Variants in SOX6 observed in about 807,000 individuals in gnomAD.
SOX6 encodes the protein transcription factor SOX-6.
SOX6 carries 11 observed loss-of-function variants against 97.8 expected under a neutral mutation model. That is an observed-to-expected ratio of 0.11 (90% CI 0.07 to 0.19). The LOEUF is 0.19. Ranked by LOEUF, SOX6 falls within the 10% of genes least tolerant of loss-of-function variation. SOX6 has a pLI of 1.00. For synonymous variants in SOX6, 360 were observed against 371.4 expected (o/e 0.97, Z 0.35); for missense variants, 810 against 1,039.5 (o/e 0.78, Z 3.04).
intron 3 of SOX6, among the ~76,000 whole-genome samples, chr11:16,275,158 G>C (rs1034997337): frequency 6.6e-6 from 1 of 151,684 alleles, no homozygotes; most frequent in African/African-American, 2.4e-5. Context: ...AGGATTCTTC[G>C]CAATTATTTC....
intron 1 of SOX6, among the ~76,000 whole-genome samples, chr11:16,442,778 A>G (rs2133087323): frequency 6.6e-6 from 1 of 152,318 alleles, no homozygotes; most frequent in African/African-American, 2.4e-5. Flanking sequence ...CAACTTCATC[A>G]TTTTAACAGT....
chr11:16,417,546 T>C (rs899502070), intron 1 of SOX6, among the ~76,000 whole-genome samples: 2 of 151,972 alleles, frequency 1.3e-5, no homozygotes, highest in African/African-American at 2.4e-5. Context: ...AGAGATGCAA[T>C]AGGATAAGAA....
intron 6 of SOX6, among the ~76,000 whole-genome samples, chr11:16,130,197 A>T (rs1329013073): frequency 1.3e-5 from 2 of 151,992 alleles, no homozygotes; most frequent in African/African-American, 4.8e-5. Flanking sequence ...ACATTAGCAT[A>T]AAAATAAAAT....
At chr11:16,699,813 A>G (rs985417191) in intron 3 of SOX6, among the ~76,000 whole-genome samples, 1 of 152,196 alleles carries the variant, frequency 6.6e-6, no homozygotes, top group Admixed American at 6.6e-5. Flanking sequence ...CTCTTGTATT[A>G]CTTATTCATG....
At chr11:16,734,176 C>A (rs879300913) in intron 2 of SOX6, among the ~76,000 whole-genome samples, 1 of 152,192 alleles carries the variant, frequency 6.6e-6, no homozygotes, top group Middle Eastern at 3.4e-3. Flanking sequence ...TATAGTGCCA[C>A]ATTTTAAATC....
At chr11:16,474,082 C>T (rs1375919848) in intron 1 of SOX6, among the ~76,000 whole-genome samples, 1 of 152,194 alleles carries the variant, frequency 6.6e-6, no homozygotes, top group Non-Finnish European at 1.5e-5. Flanking sequence ...AGCAATTCCT[C>T]ATCTTCTCAA....
At chr11:16,164,224 T>C (rs1294996844) in intron 6 of SOX6, among the ~76,000 whole-genome samples, 1 of 152,066 alleles carries the variant, frequency 6.6e-6, no homozygotes, top group African/African-American at 2.4e-5. Context: ...CTGCCTTCAC[T>C]TTCCACAGTG....
chr11:16,162,270 G>C (rs182579390), intron 6 of SOX6, among the ~76,000 whole-genome samples: 2 of 152,218 alleles, frequency 1.3e-5, no homozygotes, highest in African/African-American at 2.4e-5. Flanking sequence ...TTTCTTTGAA[G>C]ACCTTTAAAG....
At chr11:16,653,701 A>G (rs1307846942) in intron 3 of SOX6, among the ~76,000 whole-genome samples, 1 of 152,084 alleles carries the variant, frequency 6.6e-6, no homozygotes, top group Non-Finnish European at 1.5e-5. Context: ...GTGCACCAAA[A>G]TCTCAGAAAT....
intron 1 of SOX6, among the ~76,000 whole-genome samples, chr11:16,349,605 G>A (rs1262565069): frequency 6.7e-6 from 1 of 148,706 alleles, no homozygotes; most frequent in Non-Finnish European, 1.5e-5. Flanking sequence ...GACAGAGCAA[G>A]GCTCTGTCAA....
chr11:16,343,694 T>C (rs752537325), intron 1 of SOX6, among the ~76,000 whole-genome samples: 6 of 151,888 alleles, frequency 4.0e-5, no homozygotes, highest in Non-Finnish European at 7.4e-5. Flanking sequence ...ATGGGGAGTG[T>C]TAATTGAAAA....
intron 4 of SOX6, among the ~76,000 whole-genome samples, chr11:16,527,834 T>C (rs2133167079): frequency 6.6e-6 from 1 of 151,924 alleles, no homozygotes; most frequent in Non-Finnish European, 1.5e-5. Context: ...CACTGAAAAA[T>C]AAATGTCTGT....
intron 13 of SOX6, among the ~76,000 whole-genome samples, chr11:16,011,394 T>C (rs1854722326): frequency 6.6e-6 from 1 of 152,134 alleles, no homozygotes; most frequent in Non-Finnish European, 1.5e-5. Context: ...AATATCATGG[T>C]GAACAAGAAA....
At chr11:16,067,777 C>T (rs1248712581) in intron 9 of SOX6, among the ~76,000 whole-genome samples, 3 of 151,930 alleles carry the variant, frequency 2.0e-5, no homozygotes, top group Admixed American at 2.0e-4. Flanking sequence ...TTTCATGTAT[C>T]TCATACATGA....
At chr11:16,454,424 C>T (rs570807166) in intron 1 of SOX6, among the ~76,000 whole-genome samples, 1 of 152,100 alleles carries the variant, frequency 6.6e-6, no homozygotes, top group Admixed American at 6.6e-5. Flanking sequence ...GGTGCTCAGT[C>T]ATTCATAAAA....
chr11:16,079,576 T>C (rs1011783275), intron 9 of SOX6, among the ~76,000 whole-genome samples: 1 of 152,156 alleles, frequency 6.6e-6, no homozygotes, highest in Admixed American at 6.5e-5. Context: ...AATACTAAAG[T>C]AAAATATGTG....
chr11:16,423,863 C>T (rs1197623200), intron 1 of SOX6, among the ~76,000 whole-genome samples: 1 of 152,106 alleles, frequency 6.6e-6, no homozygotes, highest in Non-Finnish European at 1.5e-5. Context: ...CTTAGAGATG[C>T]ACACATTTGT....
chr11:16,383,718 C>T (rs1269282056), intron 1 of SOX6, among the ~76,000 whole-genome samples: 1 of 151,982 alleles, frequency 6.6e-6, no homozygotes, highest in African/African-American at 2.4e-5. Context: ...AAAGCACCTA[C>T]ATTAGTGCTG....
chr11:16,231,781 A>G (rs971854036), intron 4 of SOX6, among the ~76,000 whole-genome samples: 3 of 151,834 alleles, frequency 2.0e-5, no homozygotes, highest in Non-Finnish European at 4.4e-5. Flanking sequence ...ACCTCATTTT[A>G]TGCAATACTT....
Sources: gnomAD v4.1 joint callset for allele counts (sites outside exome capture counted in the v4.1 genomes callset) on GRCh38, gnomAD v4.1.1 for gene constraint, MANE v1.5 for transcripts, NCBI Gene and HGNC (gene_info 2026-07-23, HGNC 2026-07-21) for gene names.